KCNK13: variants seen among roughly 807,000 people sequenced by gnomAD.
The protein encoded by KCNK13 is potassium channel subfamily K member 13.
A neutral mutation model predicts 23.4 loss-of-function variants in KCNK13; 12 were observed. The observed-to-expected ratio is 0.51, with a 90% CI of 0.33 to 0.83. The LOEUF is 0.83. Ranked by LOEUF, KCNK13 falls within the 40% of genes least tolerant of loss-of-function variation. The probability of loss-of-function intolerance (pLI) is 0.02; values close to 1 mark genes in which losing one functional copy is unlikely to be tolerated. For synonymous variants in KCNK13, 231 were observed against 229.5 expected, an observed-to-expected ratio of 1.01 and a Z score of -0.06; for missense variants, 463 against 556.3, an observed-to-expected ratio of 0.83 and a Z score of 1.69.
intron 1 of KCNK13, among the ~76,000 whole-genome samples, chr14:90,087,511 G>A (rs1370846410): frequency 1.3e-5 from 2 of 152,150 alleles, no homozygotes; most frequent in Admixed American, 6.6e-5. Context: ...GGCTAGTTTT[G>A]AATGAAGAGA....
chr14:90,157,610 T>TGGTCTC (rs1362836606), intron 1 of KCNK13, among the ~76,000 whole-genome samples: 1 of 151,744 alleles, frequency 6.6e-6, no homozygotes, highest in African/African-American at 2.4e-5. Context: ...TTGTCCAGGC[T>TGGTCTC]GGTCTCGAAC....
At chr14:90,099,963 C>A (rs1000404057) in intron 1 of KCNK13, among the ~76,000 whole-genome samples, 5 of 152,176 alleles carry the variant, frequency 3.3e-5, no homozygotes, top group African/African-American at 1.2e-4. Flanking sequence ...AGACTAAGAA[C>A]CCAACTAACC....
intron 1 of KCNK13, among the ~76,000 whole-genome samples, chr14:90,077,550 T>A (rs1056980434): frequency 1.3e-5 from 2 of 152,256 alleles, no homozygotes; most frequent in Non-Finnish European, 2.9e-5. Flanking sequence ...GTACTTTTGC[T>A]TTGTTTTCAT....
intron 1 of KCNK13, among the ~76,000 whole-genome samples, chr14:90,081,345 A>G (rs563152470): frequency 6.6e-4 from 100 of 152,346 alleles, no homozygotes; most frequent in African/African-American, 1.6e-3. Context: ...AAATCATTTC[A>G]AAGTATTTAA....
chr14:90,068,779 G>A (rs1422248096), intron 1 of KCNK13, among the ~76,000 whole-genome samples: 1 of 152,084 alleles, frequency 6.6e-6, no homozygotes, highest in Non-Finnish European at 1.5e-5. Flanking sequence ...GCCCTCCCAT[G>A]CTTTAGAACA....
At chr14:90,108,279 G>A (rs112697250) in intron 1 of KCNK13, among the ~76,000 whole-genome samples, 164 of 152,078 alleles carry the variant, frequency 1.1e-3, no homozygotes, top group African/African-American at 3.7e-3. Context: ...TCTTTGGCAC[G>A]CGTTTCTTAC....
chr14:90,131,594 C>T (rs1031490698), intron 1 of KCNK13, among the ~76,000 whole-genome samples: 2 of 152,180 alleles, frequency 1.3e-5, no homozygotes, highest in Admixed American at 6.5e-5. Context: ...GTGGCATGAT[C>T]GTAGTTCACT....
intron 1 of KCNK13, among the ~76,000 whole-genome samples, chr14:90,068,196 A>G (rs892098610): frequency 6.6e-6 from 1 of 152,174 alleles, no homozygotes; most frequent in African/African-American, 2.4e-5. Context: ...ATCCTTGGCC[A>G]AATCAAGTCA....
rs1252506528 is a variant in KCNK13, at chr14:90,184,193, C to G, written c.417C>G (p.Ile139Met). ...GCCTTGTTGGGTGTTCCAGCACCAT[C>G]TTGTTCTTCAACCTCTTCCTGGAGC... is the stretch of plus-strand genomic sequence containing the variant. ...FYGLVGCSST[I>M]LFFNLFLERL... Residue 139 changes from isoleucine to methionine, a missense_variant, in exon 2 of 2, where the codon ATC (isoleucine) becomes ATG (methionine). By Grantham distance (10) the Ile-to-Met change is conservative (BLOSUM62 1). This residue lies in a region of KCNK13 where 144 missense variants were observed against 224.0 expected (regional missense o/e 0.64). Coordinates refer to ENST00000282146, the MANE Select transcript of KCNK13 (RefSeq NM_022054.4). The surrounding 1 kb of genome is among the most constrained non-coding windows in gnomAD (Gnocchi z 5.6). 1 of 1,614,238 alleles carries G rather than the reference C, an allele frequency of 6.2e-7. No homozygotes were observed.
In KCNK13 at chr14:90,173,031, C is replaced by A. The variant is rs137999205; in HGVS notation, c.335-11080C>A. ...CAATATTTCTATGTCACCTAGAAAT[C>A]AATAATAAACAAGAGAAATGGCCAA... On this transcript the variant is annotated intron_variant, in intron 1 of 1. Transcript: ENST00000282146. 2.3e-3 allele frequency among the ~76,000 whole-genome samples: 350 copies of A among 152,154 alleles called. 1 individual carries two copies. The highest frequency in any genetic ancestry group is 7.9e-3 in the African/African-American group (329 of 41,520).
intron 1 of KCNK13, among the ~76,000 whole-genome samples, chr14:90,139,472 GC>G (rs1457464696): frequency 7.4e-3 from 5 of 680 alleles, no homozygotes; most frequent in Middle Eastern, 0.5. Flanking sequence ...CTTCGAGCAT[GC>G]GGGGGCCCTG....
intron 1 of KCNK13, among the ~76,000 whole-genome samples, chr14:90,105,346 C>T (rs559654720): frequency 6.6e-6 from 1 of 152,274 alleles, no homozygotes; most frequent in Admixed American, 6.5e-5. Context: ...CTCTCACCCC[C>T]TTGGTGAAGT....
chr14:90,075,960 C>G (rs1889129976), intron 1 of KCNK13, among the ~76,000 whole-genome samples: 1 of 152,174 alleles, frequency 6.6e-6, no homozygotes, highest in Non-Finnish European at 1.5e-5. Flanking sequence ...ATGACTTTTC[C>G]TTTGTGATCT....
chr14:90,125,613 ACACACACACACACG>A (rs1367236865), intron 1 of KCNK13, among the ~76,000 whole-genome samples: 7 of 61,964 alleles, frequency 1.1e-4, no homozygotes, highest in Non-Finnish European at 1.7e-4. Flanking sequence ...ACACACACAC[ACACACACACACACG>A]CGCACACACA....
chr14:90,145,734 G>A (rs1890065192), intron 1 of KCNK13, among the ~76,000 whole-genome samples: 1 of 152,118 alleles, frequency 6.6e-6, no homozygotes, highest in African/African-American at 2.4e-5. Flanking sequence ...AGGTGTGGTG[G>A]CTCACACTTG....
chr14:90,063,875 T>TAGGG (rs1888976135), intron 1 of KCNK13, among the ~76,000 whole-genome samples: 2 of 152,118 alleles, frequency 1.3e-5, no homozygotes, highest in South Asian at 4.1e-4. Context: ...CCAGTATGAT[T>TAGGG]AGGGACACAC....
At chr14:90,142,096 C>G (rs1384850625) in intron 1 of KCNK13, among the ~76,000 whole-genome samples, 1 of 151,560 alleles carries the variant, frequency 6.6e-6, no homozygotes, top group Non-Finnish European at 1.5e-5. Context: ...CTTATGCCCT[C>G]TTGTAGCTCA....
chr14:90,076,555 T>C (rs989500875), intron 1 of KCNK13, among the ~76,000 whole-genome samples: 1 of 152,074 alleles, frequency 6.6e-6, no homozygotes, highest in Non-Finnish European at 1.5e-5. Context: ...GCTATCTCAT[T>C]GGCGCAAACC....
chr14:90,098,897 G>A lies in KCNK13; in HGVS notation c.334+36358G>A, dbSNP rs139836419. On this transcript the variant is annotated intron_variant, in intron 1 of 1. Transcript: ENST00000282146. ...GTTCAAGACCAGCCTGGCCAAGATG[G>A]TGAAACCCCATCTCTACTAAAAATA... 3.3e-3 allele frequency among the ~76,000 whole-genome samples: 498 copies of A among 152,178 alleles called. 5 individuals are homozygous for A. The highest frequency in any genetic ancestry group is 0.011 in the African/African-American group (460 of 41,544).
Sources: allele counts gnomAD v4.1 joint callset (sites outside exome capture counted in the v4.1 genomes callset), GRCh38; gene constraint gnomAD v4.1.1; regional missense constraint gnomAD v4.1.1; non-coding constraint Gnocchi (gnomAD v3.1); transcripts MANE v1.5; gene names NCBI Gene and HGNC (gene_info 2026-07-23, HGNC 2026-07-21).